CYB5R4: variants seen among roughly 807,000 people sequenced by gnomAD.
CYB5R4 encodes the protein N-terminal cytochrome b5 and cytochrome b5 oxidoreductase domain-containing protein.
CYB5R4 carries 55 observed loss-of-function variants against 70.2 expected under a neutral mutation model. The ratio of observed to expected loss-of-function variants is 0.78; its 90% CI spans 0.63 to 0.98. The LOEUF (loss-of-function observed/expected upper bound fraction) is 0.98, where lower values mean the gene tolerates loss of function less well. CYB5R4 is among the 50% of genes least tolerant of loss of function. The pLI, the probability that CYB5R4 is intolerant of heterozygous loss-of-function variation, is 0.00. For synonymous variants in CYB5R4, 197 were observed against 199.5 expected, an observed-to-expected ratio of 0.99 and a Z score of 0.11; for missense variants, 562 against 612.6, an observed-to-expected ratio of 0.92 and a Z score of 0.87.
intron 3 of CYB5R4, among the ~76,000 whole-genome samples, 157 bp from the exon 4 acceptor site, chr6:83,908,852 C>A (rs1366981100): frequency 6.6e-6 from 1 of 152,184 alleles, no homozygotes; most frequent in African/African-American, 2.4e-5. Context: ...TCTGTGCAGC[C>A]TTTCTATCAC....
intron 2 of CYB5R4, among the ~76,000 whole-genome samples, chr6:83,878,002 T>C (rs550078988): frequency 6.6e-6 from 1 of 152,278 alleles, no homozygotes; most frequent in African/African-American, 2.4e-5. Flanking sequence ...CATTGTATTA[T>C]CTCACTCTTT....
chr6:83,957,551 G>A (rs1188605491), intron 15 of CYB5R4, among the ~76,000 whole-genome samples: 1 of 150,672 alleles, frequency 6.6e-6, no homozygotes, highest in Non-Finnish European at 1.5e-5. Flanking sequence ...AATCTAGGAG[G>A]CGGAGGTTGG....
chr6:83,940,716 A>G (rs1193598477), intron 14 of CYB5R4, 115 bp downstream of exon 14: 1 of 1,168,916 alleles, frequency 8.6e-7, no homozygotes, highest in Non-Finnish European at 1.2e-6. Flanking sequence ...AAAGAAAAAA[A>G]ATAAACCAAT....
intron 2 of CYB5R4, among the ~76,000 whole-genome samples, chr6:83,870,633 A>G (rs543864424): frequency 2.2e-4 from 34 of 152,100 alleles, no homozygotes; most frequent in African/African-American, 8.2e-4. Context: ...AAATAATAAT[A>G]TATTATTATT....
At chr6:83,866,896 G>A (rs1408720597) in intron 2 of CYB5R4, among the ~76,000 whole-genome samples, 1 of 152,150 alleles carries the variant, frequency 6.6e-6, no homozygotes, top group Non-Finnish European at 1.5e-5. Flanking sequence ...TGGGATTACA[G>A]GCATGAGCCA....
rs191733170 is a variant in CYB5R4, at chr6:83,963,188, A to G, written c.*3310A>G. ...GGGCACATTGTGTCTACCACAGGCT[A>G]TAGAAAGAACAGAGAAATTTGTCCA... On this transcript the variant is annotated 3_prime_UTR_variant, in exon 16 of 16. Coordinates refer to ENST00000369681, the MANE Select transcript of CYB5R4 (RefSeq NM_016230.4). 1.8e-4 allele frequency: 28 copies of G among 152,342 alleles called. No homozygotes were observed. Among genetic ancestry groups the G allele is most frequent in the African/African-American group, 6.3e-4 (26 of 41,586 alleles). The allele number at this position is 152,342 out of a possible 1,614,324, so 9.4% of individuals were successfully genotyped here.
intron 4 of CYB5R4, chr6:83,910,147 T>C (rs763380626): frequency 6.3e-7 from 1 of 1,594,500 alleles, no homozygotes; most frequent in Non-Finnish European, 8.5e-7. Flanking sequence ...CTTTCAAAGA[T>C]TTCTTTTACT....
At chr6:83,954,511 C>T (rs1334283432) in intron 14 of CYB5R4, among the ~76,000 whole-genome samples, 1 of 151,974 alleles carries the variant, frequency 6.6e-6, no homozygotes, top group Non-Finnish European at 1.5e-5. Flanking sequence ...ATAGTACACA[C>T]TAGGAGGGTT....
intron 7 of CYB5R4, 102 bp from the exon 8 acceptor site, chr6:83,920,980 A>AAGC (rs1480545873): frequency 2.4e-6 from 2 of 817,022 alleles, no homozygotes; most frequent in Admixed American, 9.3e-5. Context: ...TTCAATAAAG[A>AAGC]AGCACCGTAT....
chr6:83,926,418 C>T (rs182413344), intron 10 of CYB5R4: 379 of 151,782 alleles, frequency 2.5e-3, no homozygotes, highest in African/African-American at 7.5e-3. Context: ...CAAACTACTA[C>T]AGACTGAGTG....
At chr6:83,924,336 C>CT (rs1258223905) in intron 9 of CYB5R4, 134 bp from the exon 10 acceptor site, 5 of 800,266 alleles carry the variant, frequency 6.2e-6, no homozygotes, top group African/African-American at 1.7e-5. Flanking sequence ...TAAGCAAAAT[C>CT]TTATTTATCC....
chr6:83,901,004 G>C (rs894468483), intron 3 of CYB5R4, among the ~76,000 whole-genome samples: 2 of 151,934 alleles, frequency 1.3e-5, no homozygotes, highest in Non-Finnish European at 2.9e-5. Context: ...ATTTGATCCT[G>C]TCAAATGTTA....
chr6:83,924,705 T>G (rs1198411072), intron 10 of CYB5R4, 113 bp downstream of exon 10: 3 of 1,114,752 alleles, frequency 2.7e-6, no homozygotes, highest in East Asian at 4.9e-5. Context: ...GGTCCTTGTA[T>G]CTACTGCTAG....
chr6:83,889,550 T>G (rs973475349), intron 2 of CYB5R4, among the ~76,000 whole-genome samples: 1 of 152,204 alleles, frequency 6.6e-6, no homozygotes, highest in Non-Finnish European at 1.5e-5. Flanking sequence ...TGAGACCTAC[T>G]GCTCTTTAAA....
chr6:83,934,191 C>T (rs1173547795), intron 10 of CYB5R4, among the ~76,000 whole-genome samples: 7 of 147,732 alleles, frequency 4.7e-5, no homozygotes, highest in Non-Finnish European at 4.5e-5. Context: ...TCCAGGAGTT[C>T]GACATCAGCC....
At chr6:83,878,646 G>A (rs191655431) in intron 2 of CYB5R4, among the ~76,000 whole-genome samples, 3 of 152,192 alleles carry the variant, frequency 2.0e-5, no homozygotes, top group African/African-American at 7.2e-5. Context: ...GCGCCCAGCC[G>A]TGTTTTGTAA....
At chr6:83,914,962 C>G (rs1251256056) in intron 5 of CYB5R4, among the ~76,000 whole-genome samples, 1 of 151,910 alleles carries the variant, frequency 6.6e-6, no homozygotes, top group Non-Finnish European at 1.5e-5. Context: ...CTGTGACATC[C>G]CTGAATACAT....
chr6:83,930,031 T>G (rs2099467924), intron 10 of CYB5R4, among the ~76,000 whole-genome samples: 1 of 152,214 alleles, frequency 6.6e-6, no homozygotes, highest in East Asian at 1.9e-4. Flanking sequence ...ACATTATACT[T>G]TAGTCTGTTA....
chr6:83,922,303 T>A, intron 8 of CYB5R4, 135 bp from the exon 9 acceptor site: 1 of 559,894 alleles, frequency 1.8e-6, no homozygotes, highest in Admixed American at 3.7e-5. Flanking sequence ...TGTAAAATTG[T>A]TTTGGTCTTT....
Sources: allele counts gnomAD v4.1 joint callset (sites outside exome capture counted in the v4.1 genomes callset), GRCh38; gene constraint gnomAD v4.1.1; transcripts MANE v1.5; gene names NCBI Gene and HGNC (gene_info 2026-07-23, HGNC 2026-07-21).